Variants in ARSG observed in about 807,000 individuals in gnomAD.
The protein encoded by ARSG is arylsulfatase G, also known as ASG.
A neutral mutation model predicts 50.5 loss-of-function variants in ARSG; 37 were observed. The ratio of observed to expected loss-of-function variants is 0.73; its 90% CI spans 0.56 to 0.96. ARSG has a LOEUF of 0.96. ARSG is among the 50% of genes least tolerant of loss of function. The probability of loss-of-function intolerance (pLI) is 0.00; values close to 1 mark genes in which losing one functional copy is unlikely to be tolerated. For missense variants in ARSG, 629 were observed against 675.3 expected (o/e 0.93, Z 0.76); for synonymous variants, 225 against 254.6 (o/e 0.88, Z 1.11).
chr17:68,369,707 G>A (rs1317239920), intron 7 of ARSG, among the ~76,000 whole-genome samples: 3 of 152,104 alleles, frequency 2.0e-5, no homozygotes, highest in South Asian at 2.1e-4. Context: ...GCTAATAACC[G>A]AATCTACTCC....
chr17:68,331,901 C>T (rs981684029), intron 2 of ARSG, among the ~76,000 whole-genome samples: 7 of 152,054 alleles, frequency 4.6e-5, no homozygotes, highest in Non-Finnish European at 8.8e-5. Context: ...ACATGCTTCA[C>T]GAGGTAATAG....
In ARSG at chr17:68,281,137, A is replaced by AG. The variant is rs1311510864; in HGVS notation, c.-552+21711_-552+21712insG. Among the ~76,000 whole-genome samples the AG allele has an allele frequency of 2.6e-5, 4 of 151,932 alleles. 1 individual carries two copies. In the East Asian group the frequency reaches 7.7e-4, roughly 29 times the overall value. On this transcript the variant is annotated intron_variant, in intron 1 of 11. Transcript: ENST00000448504. Reference sequence around the variant, plus strand: ...GGAGACTCTGCCTCCAAAAAAAAAAAAAAAGAATGAAAAGACAACCCACAG... The same window carrying AG: ...GGAGACTCTGCCTCCAAAAAAAAAAAGAAAAGAATGAAAAGACAACCCACAG...
At chr17:68,404,976 A>C (rs568543206) in intron 11 of ARSG, among the ~76,000 whole-genome samples, 1 of 152,296 alleles carries the variant, frequency 6.6e-6, no homozygotes, top group South Asian at 2.1e-4. Context: ...CACCCTTGTT[A>C]AAAATCATTT....
At chr17:68,260,174 A>C (rs782797205) in intron 1 of ARSG, among the ~76,000 whole-genome samples, 2 of 152,166 alleles carry the variant, frequency 1.3e-5, no homozygotes, top group African/African-American at 2.4e-5. Context: ...TATTTAGTCC[A>C]TTTCATGCAT....
chr17:68,280,011 G>C (rs923499001), intron 1 of ARSG, among the ~76,000 whole-genome samples: 6 of 151,620 alleles, frequency 4.0e-5, no homozygotes, highest in African/African-American at 1.5e-4. Context: ...GCAAAACCCC[G>C]TCTCTACTAA....
In ARSG at chr17:68,420,435, A is replaced by C. The variant is rs1404037059; in HGVS notation, c.1550A>C (p.Gln517Pro). Reference sequence around the variant, plus strand: ...GTAACTCCCTGCTGTAATCCCTACCAAATTGCCTGCCGCTGTCAAGCCGCA... The same window carrying C: ...GTAACTCCCTGCTGTAATCCCTACCCAATTGCCTGCCGCTGTCAAGCCGCA... Reference protein sequence around the residue: ...PSVTPCCNPYQIACRCQAA With the variant: ...PSVTPCCNPYPIACRCQAA Residue 517 changes from glutamine (Q) to proline (P), a missense_variant, in exon 12 of 12, where the codon CAA (glutamine) becomes CCA (proline). Transcript: ENST00000621439. 5 of 1,613,948 alleles carry C rather than the reference A, an allele frequency of 3.1e-6. No individual in the cohort carries two copies. The highest frequency in any genetic ancestry group is 3.4e-6 in the Non-Finnish European group (4 of 1,179,946).
chr17:68,311,263 T>A (rs1470945008), intron 2 of ARSG, among the ~76,000 whole-genome samples: 2 of 152,228 alleles, frequency 1.3e-5, no homozygotes, highest in African/African-American at 2.4e-5. Flanking sequence ...GATGGGTTCA[T>A]CCTGGTGCAC....
downstream of ARSG, among the ~76,000 whole-genome samples, chr17:68,425,388 T>C (rs1337729469): frequency 3.3e-5 from 5 of 149,874 alleles, no homozygotes; most frequent in East Asian, 1.9e-4. Flanking sequence ...TTTTCTTTTT[T>C]TTTTTTTTTT....
In ARSG at chr17:68,271,192, C is replaced by A. The variant is rs1831171567; in HGVS notation, c.-552+11766C>A. 6.2e-7 allele frequency: 1 copy of A among 1,613,866 alleles called. No homozygotes were observed. The highest frequency in any genetic ancestry group is 1.1e-5 in the South Asian group (1 of 91,090). The stretch of plus-strand genomic sequence containing the variant: ...AAAAGCAGCGCGGTCCTGGTCAATG[C>A]CCAGACTAATGCCCAGAGGAATGAT... On this transcript the variant is annotated intron_variant, in intron 1 of 11. Transcript: ENST00000448504. The surrounding 1 kb of genome is among the most constrained non-coding windows in gnomAD (Gnocchi z 5.3).
chr17:68,383,381 G>C (rs1170867105), intron 8 of ARSG, among the ~76,000 whole-genome samples: 1 of 152,212 alleles, frequency 6.6e-6, no homozygotes, highest in Admixed American at 6.5e-5. Flanking sequence ...GCCCACCCCA[G>C]TGCCTTCTGG....
At chr17:68,422,043 CTG>C (rs987547802), downstream of ARSG, 97 of 584,172 alleles carry the variant, frequency 1.7e-4, no homozygotes, top group East Asian at 2.3e-4. Flanking sequence ...AAAAATGTCT[CTG>C]TGTGTGTGTG....
chr17:68,333,820 C>A (rs759052728), intron 2 of ARSG, among the ~76,000 whole-genome samples: 4 of 151,962 alleles, frequency 2.6e-5, no homozygotes, highest in Admixed American at 6.6e-5. Flanking sequence ...AGCTAGAACT[C>A]GATTTGGACA....
intron 1 of ARSG, among the ~76,000 whole-genome samples, chr17:68,286,371 T>C (rs1185757560): frequency 6.6e-6 from 1 of 152,230 alleles, no homozygotes; most frequent in Non-Finnish European, 1.5e-5. Context: ...CAATTCCTTT[T>C]TGTAAAATCT....
At chr17:68,292,889 T>A (rs1234322027) in intron 1 of ARSG, among the ~76,000 whole-genome samples, 4 of 152,154 alleles carry the variant, frequency 2.6e-5, no homozygotes, top group African/African-American at 9.7e-5. Context: ...TAATTTAACC[T>A]CGTAGAGCGT....
chr17:68,397,985 T>A (rs970281431), intron 10 of ARSG, among the ~76,000 whole-genome samples: 2 of 152,158 alleles, frequency 1.3e-5, no homozygotes, highest in Non-Finnish European at 2.9e-5. Flanking sequence ...CAGGCTGGTG[T>A]CAAACTCCTG....
chr17:68,316,390 GAATATTGC>G (rs2077072023), intron 2 of ARSG, among the ~76,000 whole-genome samples: 1 of 152,164 alleles, frequency 6.6e-6, no homozygotes, highest in Non-Finnish European at 1.5e-5. Context: ...TCTCCCACTG[GAATATTGC>G]CTCCTTACAG....
intron 9 of ARSG, among the ~76,000 whole-genome samples, chr17:68,389,392 G>T (rs2080886505): frequency 1.3e-5 from 2 of 152,110 alleles, no homozygotes; most frequent in African/African-American, 4.8e-5. Context: ...GTGGATGAGG[G>T]TGCCAGGGAA....
rs146611572 is a variant in ARSG, at chr17:68,322,615, C to G, written c.218+14904C>G. Among the ~76,000 whole-genome samples the G allele has an allele frequency of 4.9e-3, 718 of 145,836 alleles. 10 individuals carry two copies. Among genetic ancestry groups the G allele is most frequent in the African/African-American group, 0.016 (647 of 39,584 alleles). ...CTGGCGATAGAGTGAGACTCCGTCT[C>G]AAAAAAATAAAATAAAAAAAAATTA... On this transcript the variant is annotated intron_variant, in intron 2 of 11. Coordinates refer to ENST00000621439, the MANE Select transcript of ARSG (RefSeq NM_001267727.2).
intron 2 of ARSG, among the ~76,000 whole-genome samples, chr17:68,311,934 G>T (rs1555766932): frequency 1.3e-5 from 2 of 151,758 alleles, no homozygotes; most frequent in African/African-American, 4.8e-5. Flanking sequence ...CCAAGTAGCT[G>T]GGATTACAAG....
Sources: allele counts gnomAD v4.1 joint callset (sites outside exome capture counted in the v4.1 genomes callset), GRCh38; gene constraint gnomAD v4.1.1; non-coding constraint Gnocchi (gnomAD v3.1); transcripts MANE v1.5; gene names NCBI Gene and HGNC (gene_info 2026-07-23, HGNC 2026-07-21).